FAM227B: variants seen among roughly 807,000 people sequenced by gnomAD.
FAM227B encodes family with sequence similarity 227 member B, also known as protein FAM227B.
In FAM227B, 88 loss-of-function variants were observed where a neutral mutation model predicts 73.8. The observed-to-expected ratio is 1.19, with a 90% CI of 1.00 to 1.42. The LOEUF is 1.42. Ranked by LOEUF, FAM227B falls within the 40% of genes most tolerant of loss-of-function variation. The probability of loss-of-function intolerance (pLI) is 0.00; values close to 1 mark genes in which losing one functional copy is unlikely to be tolerated. For synonymous variants in FAM227B, 210 were observed against 190.5 expected, an observed-to-expected ratio of 1.10 and a Z score of -0.84; for missense variants, 632 against 590.9, an observed-to-expected ratio of 1.07 and a Z score of -0.72.
intron 9 of FAM227B, among the ~76,000 whole-genome samples, chr15:49,546,584 A>G (rs1030466157): frequency 1.3e-5 from 2 of 152,158 alleles, no homozygotes; most frequent in Non-Finnish European, 2.9e-5. Context: ...AACAGTGTAA[A>G]AGTGTTCCTA....
At chr15:49,488,767 T>G (rs2056622156) in intron 11 of FAM227B, 1 of 152,098 alleles carries the variant, frequency 6.6e-6, no homozygotes, top group African/African-American at 2.4e-5. Context: ...CTTAATGGCT[T>G]GAAACAAATA....
chr15:49,517,663 TTAAC>T (rs1177245070), intron 10 of FAM227B, among the ~76,000 whole-genome samples: 2 of 152,170 alleles, frequency 1.3e-5, no homozygotes, highest in South Asian at 2.1e-4. Flanking sequence ...TGTTTTCAAC[TTAAC>T]TTTTTGTAAA....
intron 3 of FAM227B, chr15:49,606,057 G>A (rs1337979460): frequency 6.6e-6 from 1 of 152,222 alleles, no homozygotes; most frequent in African/African-American, 2.4e-5. Flanking sequence ...CCCTTGCTTG[G>A]TAACTTGAAA....
chr15:49,399,026 C>G (rs1456007928), intron 11 of FAM227B, among the ~76,000 whole-genome samples: 1 of 111,916 alleles, frequency 8.9e-6, no homozygotes, highest in African/African-American at 3.3e-5. Context: ...AATAGAGACA[C>G]AAAAAACCCT....
intron 11 of FAM227B, among the ~76,000 whole-genome samples, chr15:49,444,642 A>G (rs895201791): frequency 2.0e-5 from 3 of 151,728 alleles, no homozygotes; most frequent in African/African-American, 7.2e-5. Flanking sequence ...AAGTTGAATC[A>G]GGAACCTTCT....
intron 9 of FAM227B, among the ~76,000 whole-genome samples, chr15:49,557,234 AAT>A (rs1171434910): frequency 4.6e-5 from 7 of 152,050 alleles, no homozygotes; most frequent in Non-Finnish European, 1.0e-4. Flanking sequence ...TACTTTATGA[AAT>A]ATATATGTCT....
At chr15:49,573,708 T>C (rs2075273454) in intron 8 of FAM227B, among the ~76,000 whole-genome samples, 1 of 152,204 alleles carries the variant, frequency 6.6e-6, no homozygotes, top group Non-Finnish European at 1.5e-5. Context: ...ATTCTGTTCA[T>C]TATAAATCAC....
At chr15:49,588,521 A>T (rs1476590123) in intron 4 of FAM227B, among the ~76,000 whole-genome samples, 34 of 133,628 alleles carry the variant, frequency 2.5e-4, no homozygotes, top group Non-Finnish European at 3.2e-5. Context: ...ACTTGAATCC[A>T]AGTTCTGATA....
intron 10 of FAM227B, among the ~76,000 whole-genome samples, chr15:49,540,216 G>A (rs1222366049): frequency 6.6e-6 from 1 of 152,176 alleles, no homozygotes; most frequent in African/African-American, 2.4e-5. Context: ...GGAGTGTGTG[G>A]CTGCCTCAGG....
At chr15:49,497,481 C>G (rs951292355) in intron 11 of FAM227B, among the ~76,000 whole-genome samples, 1 of 152,180 alleles carries the variant, frequency 6.6e-6, no homozygotes, top group African/African-American at 2.4e-5. Flanking sequence ...TCAATCCATA[C>G]CCTGCTCTGC....
At chr15:49,452,140 C>G (rs1419242588) in intron 11 of FAM227B, among the ~76,000 whole-genome samples, 1 of 151,986 alleles carries the variant, frequency 6.6e-6, no homozygotes, top group East Asian at 1.9e-4. Flanking sequence ...CTTCTAGGTT[C>G]AAGCAATTCT....
intron 13 of FAM227B, among the ~76,000 whole-genome samples, chr15:49,352,248 G>A (rs1250454357): frequency 1.3e-5 from 2 of 152,148 alleles, no homozygotes; most frequent in Non-Finnish European, 2.9e-5. Context: ...ACCTTGTCTC[G>A]AAGTCACAAA....
chr15:49,571,200 GGTT>G (rs2075074200), intron 8 of FAM227B, among the ~76,000 whole-genome samples: 1 of 151,246 alleles, frequency 6.6e-6, no homozygotes, highest in Admixed American at 6.6e-5. Context: ...TTTAAAATCA[GGTT>G]GTTTTCCTGC....
In FAM227B at chr15:49,508,282, T is replaced by C. The variant is rs1177612241; in HGVS notation, c.941A>G (p.His314Arg). The change falls in exon 11 of 16, where the codon CAT (histidine) becomes CGT (arginine). Residue 314 changes from histidine to arginine, a missense_variant. Physicochemically the swap from His to Arg is conservative, Grantham distance 29 (BLOSUM62 0). Transcript: ENST00000299338. ...TTTTGCAGGTGCTTTTTTGCTACCA[T>C]GAATGGTGGTTGTGGAGAGTTCTTT... is the stretch of plus-strand genomic sequence containing the variant. ...KLKELSTTTI[H>R]GSKKAPAKSV... is the part of the protein sequence containing the mutation. The C allele has an allele frequency of 5.0e-6, 8 of 1,611,486 alleles. No individual in the cohort carries two copies. Among genetic ancestry groups the C allele is most frequent in the South Asian group, 1.1e-5 (1 of 90,810 alleles).
chr15:49,525,705 T>TG (rs2060135833), intron 10 of FAM227B, among the ~76,000 whole-genome samples: 1 of 79,638 alleles, frequency 1.3e-5, no homozygotes, highest in Admixed American at 1.2e-4. Context: ...TATATATATA[T>TG]ATATATATAT....
At chr15:49,502,862 C>G (rs746728439) in intron 11 of FAM227B, among the ~76,000 whole-genome samples, 1 of 152,090 alleles carries the variant, frequency 6.6e-6, no homozygotes, top group Non-Finnish European at 1.5e-5. Flanking sequence ...GAAGGCAGAG[C>G]CCTCATGAAT....
At chr15:49,554,485 A>G (rs2073420016) in intron 9 of FAM227B, among the ~76,000 whole-genome samples, 1 of 152,196 alleles carries the variant, frequency 6.6e-6, no homozygotes, top group Non-Finnish European at 1.5e-5. Context: ...GCTGGGATCC[A>G]CAATTCCCCT....
At chr15:49,523,137 G>GA (rs2059907451) in intron 10 of FAM227B, among the ~76,000 whole-genome samples, 1 of 152,204 alleles carries the variant, frequency 6.6e-6, no homozygotes, top group East Asian at 1.9e-4. Flanking sequence ...CTTCTAAGCA[G>GA]AAACCTTGAA....
At chr15:49,424,145 A>T (rs2049922699) in intron 11 of FAM227B, 8 of 611,170 alleles carry the variant, frequency 1.3e-5, no homozygotes, top group Non-Finnish European at 1.7e-5. Context: ...AGGAACTAAA[A>T]GGATAAGGCT....
Sources: allele counts gnomAD v4.1 joint callset (sites outside exome capture counted in the v4.1 genomes callset), GRCh38; gene constraint gnomAD v4.1.1; transcripts MANE v1.5; gene names NCBI Gene and HGNC (gene_info 2026-07-23, HGNC 2026-07-21).